SOX6: variants seen among roughly 807,000 people sequenced by gnomAD.
SOX6 encodes the protein SRY-box transcription factor 6.
In SOX6, 11 loss-of-function variants were observed where a neutral mutation model predicts 97.8. The observed-to-expected ratio is 0.11, with a 90% CI of 0.07 to 0.19. The LOEUF (loss-of-function observed/expected upper bound fraction) is 0.19. Ranked by LOEUF, SOX6 falls within the 10% of genes least tolerant of loss-of-function variation. SOX6 has a pLI of 1.00. For synonymous variants in SOX6, 360 were observed against 371.4 expected (o/e 0.97, Z 0.35); for missense variants, 810 against 1,039.5 (o/e 0.78, Z 3.04).
intron 4 of SOX6, among the ~76,000 whole-genome samples, chr11:16,580,171 T>C (rs533834580): frequency 9.9e-5 from 15 of 152,284 alleles, no homozygotes; most frequent in Admixed American, 9.8e-4. Flanking sequence ...GGAATCTGAA[T>C]CCACATTTTA....
At chr11:16,338,359 C>T (rs1487593091) in intron 2 of SOX6, among the ~76,000 whole-genome samples, 2 of 151,998 alleles carry the variant, frequency 1.3e-5, no homozygotes, top group Non-Finnish European at 2.9e-5. Context: ...AACACACACT[C>T]ACACATACAC....
chr11:16,070,352 G>A (rs1301242084), intron 9 of SOX6, among the ~76,000 whole-genome samples: 1 of 151,782 alleles, frequency 6.6e-6, no homozygotes, highest in Non-Finnish European at 1.5e-5. Context: ...TCAGACCAAA[G>A]GTCCTACCCT....
At chr11:16,209,366 T>C (rs1365806224) in intron 4 of SOX6, among the ~76,000 whole-genome samples, 2 of 152,158 alleles carry the variant, frequency 1.3e-5, no homozygotes, top group Non-Finnish European at 2.9e-5. Flanking sequence ...TCTGGGTTAC[T>C]AGTCTGACTA....
chr11:15,990,332 G>A (rs1028564827), intron 13 of SOX6, among the ~76,000 whole-genome samples: 3 of 151,768 alleles, frequency 2.0e-5, no homozygotes, highest in Non-Finnish European at 4.4e-5. Context: ...TTTATTTCAA[G>A]CGTCCTGTTC....
chr11:16,069,272 A>T (rs1322743924), intron 9 of SOX6, among the ~76,000 whole-genome samples: 1 of 152,208 alleles, frequency 6.6e-6, no homozygotes, highest in Non-Finnish European at 1.5e-5. Flanking sequence ...AAGGAAAGTG[A>T]TATGCATAAA....
chr11:16,684,116 G>A (rs1847950454), intron 3 of SOX6, among the ~76,000 whole-genome samples: 1 of 152,220 alleles, frequency 6.6e-6, no homozygotes, highest in Admixed American at 6.5e-5. Flanking sequence ...TGGAGAAATA[G>A]GGAAGCTTTT....
chr11:16,131,878 A>C (rs1743831573), intron 6 of SOX6, among the ~76,000 whole-genome samples: 2 of 152,078 alleles, frequency 1.3e-5, no homozygotes, highest in African/African-American at 4.8e-5. Flanking sequence ...GCAAAAATAT[A>C]GTGATATCAA....
chr11:16,687,225 T>A (rs1467667842), intron 3 of SOX6, among the ~76,000 whole-genome samples: 1 of 152,216 alleles, frequency 6.6e-6, no homozygotes, highest in Non-Finnish European at 1.5e-5. Context: ...AGTGCTAGCA[T>A]CTGCTCAGCT....
chr11:16,053,355 T>C (rs940299240), intron 10 of SOX6, among the ~76,000 whole-genome samples: 9 of 152,176 alleles, frequency 5.9e-5, no homozygotes, highest in Non-Finnish European at 1.0e-4. Flanking sequence ...TAGTTGACAA[T>C]GGAAATCCTC....
At chr11:16,547,088 C>G (rs1847630020) in intron 4 of SOX6, among the ~76,000 whole-genome samples, 1 of 152,022 alleles carries the variant, frequency 6.6e-6, no homozygotes, top group Admixed American at 6.6e-5. Context: ...GTTAGAATGG[C>G]TATTACTAAA....
At chr11:16,176,599 T>C (rs750495981) in intron 6 of SOX6, among the ~76,000 whole-genome samples, 5 of 151,944 alleles carry the variant, frequency 3.3e-5, no homozygotes, top group Non-Finnish European at 7.4e-5. Flanking sequence ...ATTCCAATTA[T>C]ATTCTTTTTA....
At chr11:16,239,302 T>C (rs1404578414) in intron 3 of SOX6, among the ~76,000 whole-genome samples, 2 of 152,006 alleles carry the variant, frequency 1.3e-5, no homozygotes, top group Non-Finnish European at 2.9e-5. Flanking sequence ...CATGCTCTTC[T>C]CTCTCTCTCC....
At chr11:16,391,721 T>A (rs1461221350) in intron 1 of SOX6, among the ~76,000 whole-genome samples, 3 of 152,074 alleles carry the variant, frequency 2.0e-5, no homozygotes, top group Non-Finnish European at 2.9e-5. Context: ...AAGATCATAT[T>A]TCCTTATTCT....
intron 12 of SOX6, among the ~76,000 whole-genome samples, chr11:16,033,599 A>T (rs1855441747): frequency 6.6e-6 from 1 of 152,196 alleles, no homozygotes; most frequent in Non-Finnish European, 1.5e-5. Flanking sequence ...GGCCAGGCGC[A>T]GTGGCTCACA....
intron 13 of SOX6, among the ~76,000 whole-genome samples, chr11:15,993,603 G>A (rs1854124269): frequency 6.6e-6 from 1 of 152,172 alleles, no homozygotes; most frequent in Non-Finnish European, 1.5e-5. Flanking sequence ...TCAAGGGAAA[G>A]CAAGGTCCCG....
chr11:16,735,698 T>A (rs1185197596), intron 2 of SOX6, among the ~76,000 whole-genome samples: 1 of 152,190 alleles, frequency 6.6e-6, no homozygotes, highest in East Asian at 1.9e-4. Flanking sequence ...TAAAATTCCC[T>A]ACTTCTTGCA....
At chr11:16,075,229 T>G (rs1406273397) in intron 9 of SOX6, among the ~76,000 whole-genome samples, 1 of 152,126 alleles carries the variant, frequency 6.6e-6, no homozygotes. Flanking sequence ...ACTGGGTAAT[T>G]TATAAAGAAA....
intron 15 of SOX6, 152 bp downstream of exon 15, chr11:15,986,052 A>G (rs1853826800): frequency 2.5e-6 from 2 of 793,846 alleles, no homozygotes; most frequent in African/African-American, 1.7e-5. Context: ...CAGTGCCCCT[A>G]TGACACAGCA....
intron 4 of SOX6, among the ~76,000 whole-genome samples, chr11:16,531,092 T>G (rs1861229727): frequency 1.3e-5 from 2 of 149,850 alleles, no homozygotes. Flanking sequence ...AAATTAAACT[T>G]CTGTAAATTT....
Sources: gnomAD v4.1 joint callset for allele counts (sites outside exome capture counted in the v4.1 genomes callset) on GRCh38, gnomAD v4.1.1 for gene constraint, MANE v1.5 for transcripts, NCBI Gene and HGNC (gene_info 2026-07-23, HGNC 2026-07-21) for gene names.